SPAG1: variants seen among roughly 807,000 people sequenced by gnomAD.
The protein encoded by SPAG1 is sperm associated antigen 1.
A neutral mutation model predicts 100.5 loss-of-function variants in SPAG1; 69 were observed. The ratio of observed to expected loss-of-function variants is 0.69; its 90% CI spans 0.57 to 0.84. The LOEUF is 0.84. SPAG1 is among the 40% of genes least tolerant of loss of function. The probability of loss-of-function intolerance (pLI) is 0.00; values close to 1 mark genes in which losing one functional copy is unlikely to be tolerated. For missense variants in SPAG1, 955 were observed against 1,133.1 expected, an observed-to-expected ratio of 0.84 and a Z score of 2.26; for synonymous variants, 336 against 411.6, an observed-to-expected ratio of 0.82 and a Z score of 2.22.
intron 7 of SPAG1, among the ~76,000 whole-genome samples, chr8:100,186,578 C>T (rs1253670317): frequency 1.3e-5 from 2 of 152,054 alleles, no homozygotes; most frequent in African/African-American, 4.8e-5. Flanking sequence ...ATTTAAGCAT[C>T]TGTTTAAATA....
intron 13 of SPAG1, among the ~76,000 whole-genome samples, chr8:100,222,434 G>A (rs965033587): frequency 6.6e-6 from 1 of 152,150 alleles, no homozygotes; most frequent in African/African-American, 2.4e-5. Context: ...TCCAGTAGAC[G>A]TCCTCAATAA....
chr8:100,219,578 CGA>C (rs1818167688), intron 12 of SPAG1, among the ~76,000 whole-genome samples: 1 of 152,112 alleles, frequency 6.6e-6, no homozygotes, highest in Non-Finnish European at 1.5e-5. Context: ...TATTGTAAAT[CGA>C]GGATTATATG....
intron 8 of SPAG1, among the ~76,000 whole-genome samples, chr8:100,187,890 T>C (rs565823883): frequency 3.0e-4 from 46 of 152,338 alleles, no homozygotes; most frequent in Middle Eastern, 3.4e-3. Context: ...TCTCATTCTG[T>C]CACCCAGGCT....
At chr8:100,187,021 A>T (rs1816614554) in intron 7 of SPAG1, 99 bp from the exon 8 acceptor site, 1 of 1,161,352 alleles carries the variant, frequency 8.6e-7, no homozygotes, top group Admixed American at 2.4e-5. Context: ...CAGCCCATAG[A>T]CAGGTTATAA....
chr8:100,197,116 C>A (rs1172446936), intron 10 of SPAG1, among the ~76,000 whole-genome samples: 4 of 151,830 alleles, frequency 2.6e-5, no homozygotes, highest in Non-Finnish European at 5.9e-5. Flanking sequence ...GAGAATTTCT[C>A]CTCCAAATAT....
chr8:100,206,453 C>A (rs1001409916), intron 10 of SPAG1, among the ~76,000 whole-genome samples: 2 of 152,186 alleles, frequency 1.3e-5, no homozygotes, highest in Non-Finnish European at 2.9e-5. Flanking sequence ...CACACTGGTA[C>A]ATTATATTGA....
Position 100,220,270 on chromosome 8 carries a change from CT to C in SPAG1, c.1536-7del. On this transcript the variant is annotated splice_polypyrimidine_tract_variant and splice_region_variant and intron_variant, in intron 12 of 18. Transcript: ENST00000388798. Reference sequence around the variant, plus strand: ...AACAAATGGTATGTAATATTTTTGTCTTCTTTAGGGCTCTGGAACTTCATCC... The same window carrying C: ...AACAAATGGTATGTAATATTTTTGTCTCTTTAGGGCTCTGGAACTTCATCC... 6.3e-7 allele frequency: 1 copy of C among 1,597,278 alleles called. No individual in the cohort carries two copies.
intron 14 of SPAG1, 48 bp downstream of exon 14, chr8:100,225,387 G>C: frequency 6.4e-7 from 1 of 1,554,712 alleles, no homozygotes; most frequent in Non-Finnish European, 8.8e-7. Context: ...CTTGAGTTGT[G>C]TGTGTACTTT....
intron 10 of SPAG1, among the ~76,000 whole-genome samples, chr8:100,212,648 C>T (rs1174184166): frequency 1.3e-5 from 2 of 152,116 alleles, no homozygotes; most frequent in East Asian, 3.8e-4. Flanking sequence ...TCTTTCAAAT[C>T]TTTTTCTCCT....
intron 9 of SPAG1, among the ~76,000 whole-genome samples, chr8:100,192,140 A>T (rs918255822): frequency 6.6e-6 from 1 of 152,156 alleles, no homozygotes; most frequent in Non-Finnish European, 1.5e-5. Flanking sequence ...TGCACACTCA[A>T]TGGATTTATG....
At chr8:100,195,771 A>G (rs10481050) in intron 10 of SPAG1, among the ~76,000 whole-genome samples, 1,850 of 152,312 alleles carry the variant, frequency 0.012, 16 homozygotes, top group Non-Finnish European at 0.018. Context: ...AAAATTTTAT[A>G]TATAGTAAAA....
chr8:100,172,146 G>GT (rs1480892575), intron 3 of SPAG1, among the ~76,000 whole-genome samples: 1 of 151,996 alleles, frequency 6.6e-6, no homozygotes, highest in African/African-American at 2.4e-5. Context: ...CTAGCTTGTT[G>GT]TTTACCTTTT....
intron 12 of SPAG1, among the ~76,000 whole-genome samples, chr8:100,219,888 T>C (rs1402884090): frequency 3.3e-5 from 5 of 152,256 alleles, no homozygotes; most frequent in African/African-American, 1.2e-4. Context: ...GCAACTTTTA[T>C]GGTTCTGTAC....
At chr8:100,209,249 T>C (rs1381493027) in intron 10 of SPAG1, among the ~76,000 whole-genome samples, 1 of 151,800 alleles carries the variant, frequency 6.6e-6, no homozygotes, top group Non-Finnish European at 1.5e-5. Flanking sequence ...AGACAGCCTA[T>C]TGTGGGACCT....
chr8:100,165,180 A>G (rs1815493628), intron 2 of SPAG1: 4 of 453,742 alleles, frequency 8.8e-6, no homozygotes, highest in Non-Finnish European at 1.8e-5. Flanking sequence ...AAATACCAAT[A>G]TTTATTCTGA....
intron 13 of SPAG1, among the ~76,000 whole-genome samples, chr8:100,222,057 C>T (rs1302293260): frequency 6.6e-6 from 1 of 152,234 alleles, no homozygotes; most frequent in Non-Finnish European, 1.5e-5. Context: ...TGGCCTTGAC[C>T]AGGCGGTCTC....
intron 1 of SPAG1, among the ~76,000 whole-genome samples, chr8:100,161,066 G>A (rs187465404): frequency 1.6e-4 from 24 of 152,236 alleles, no homozygotes; most frequent in East Asian, 5.8e-4. Context: ...AGGGCTGGGC[G>A]TGATGGCTCA....
At chr8:100,173,440 C>G (rs1436159950) in intron 3 of SPAG1, among the ~76,000 whole-genome samples, 1 of 152,120 alleles carries the variant, frequency 6.6e-6, no homozygotes, top group East Asian at 1.9e-4. Context: ...CCTCTTTGCC[C>G]CTTTCCACCC....
chr8:100,223,429 T>C (rs1818369183), intron 13 of SPAG1, among the ~76,000 whole-genome samples: 1 of 152,192 alleles, frequency 6.6e-6, no homozygotes, highest in Non-Finnish European at 1.5e-5. Flanking sequence ...CTTGTTGATA[T>C]TTTGTTGATG....
Sources: gnomAD v4.1 joint callset for allele counts (sites outside exome capture counted in the v4.1 genomes callset) on GRCh38, gnomAD v4.1.1 for gene constraint, MANE v1.5 for transcripts, NCBI Gene and HGNC (gene_info 2026-07-23, HGNC 2026-07-21) for gene names.